ADAMTS6: variants seen among roughly 807,000 people sequenced by gnomAD.
ADAMTS6 encodes ADAM metallopeptidase with thrombospondin type 1 motif 6.
ADAMTS6 carries 23 observed loss-of-function variants against 144.3 expected under a neutral mutation model. That is an observed-to-expected ratio of 0.16 (90% CI 0.11 to 0.23). ADAMTS6 has a LOEUF of 0.23. Ranked by LOEUF, ADAMTS6 falls within the 10% of genes least tolerant of loss-of-function variation. The pLI is 1.00. For missense variants in ADAMTS6, 999 were observed against 1,379.6 expected (o/e 0.72, Z 4.37); for synonymous variants, 444 against 457.5 (o/e 0.97, Z 0.38).
chr5:65,206,787 T>C (rs1002470957), intron 20 of ADAMTS6, among the ~76,000 whole-genome samples: 19 of 143,830 alleles, frequency 1.3e-4, no homozygotes, highest in Non-Finnish European at 2.8e-4. Flanking sequence ...AAGAAAGACA[T>C]AAATATCTTC....
chr5:65,452,747 C>T lies in ADAMTS6; in HGVS notation c.803G>A (p.Arg268His), dbSNP rs1029158103. The stretch of plus-strand genomic sequence containing the variant: ...CAAAATGTAATGTTCAATGTCTTTG[C>T]GGCCATGGTAGCCCACCATCATTTT... ...ADKMMVGYHGRKDIEHYILSV... is the reference protein window; with the variant it reads ...ADKMMVGYHGHKDIEHYILSV... The change falls in exon 5 of 25, where the codon CGC becomes CAC. Residue 268 changes from arginine (R) to histidine (H), a missense_variant. Coordinates refer to ENST00000381055, the MANE Select transcript of ADAMTS6 (RefSeq NM_197941.4). The T allele has an allele frequency of 5.0e-6, 8 of 1,614,040 alleles. No individual in the cohort carries two copies. The highest frequency in any genetic ancestry group is 6.8e-6 in the Non-Finnish European group (8 of 1,179,940).
chr5:65,293,133 T>C (rs1742487484), intron 10 of ADAMTS6, among the ~76,000 whole-genome samples: 1 of 152,062 alleles, frequency 6.6e-6, no homozygotes, highest in Non-Finnish European at 1.5e-5. Flanking sequence ...AATAGTACAA[T>C]GGAAAAAGAA....
chr5:65,380,410 A>G (rs1751946553), intron 7 of ADAMTS6, among the ~76,000 whole-genome samples: 1 of 150,442 alleles, frequency 6.6e-6, no homozygotes, highest in Non-Finnish European at 1.5e-5. Flanking sequence ...CATCTCTACT[A>G]AAAAAAAATA....
intron 14 of ADAMTS6, among the ~76,000 whole-genome samples, chr5:65,249,562 T>G (rs148050468): frequency 6.6e-6 from 1 of 152,172 alleles, no homozygotes; most frequent in African/African-American, 2.4e-5. Context: ...TTAAATAAAC[T>G]AAATAAACTT....
rs780009571 is a variant in ADAMTS6 at position 65,225,010 on chromosome 5, C to T, written c.2105G>A (p.Arg702Lys). The T allele has an allele frequency of 4.3e-6, 7 of 1,613,954 alleles. No homozygotes were observed. The East Asian group carries it at 1.6e-4, about 36-fold the overall frequency. The change falls in exon 17 of 25, where the codon AGG becomes AAG. Residue 702 changes from arginine to lysine, a missense_variant. Arg to Lys is a conservative substitution (Grantham distance 26). Transcript: ENST00000381055. Reference protein sequence around the residue: ...GCDNILGSDAREDRCRVCGGD... With the variant: ...GCDNILGSDAKEDRCRVCGGD... Reference sequence around the variant, plus strand: ...TCCACAGACTCGACATCTATCTTCCCTAGCATCAGATCCCAAAATATTATC... The same window carrying T: ...TCCACAGACTCGACATCTATCTTCCTTAGCATCAGATCCCAAAATATTATC...
Position 65,299,975 on chromosome 5 carries a change from G to A in ADAMTS6, c.1370+10C>T. On this transcript the variant is annotated intron_variant, in intron 10 of 24. Transcript: ENST00000381055. ...GAGCTATTTATCATCACTCTCCAGA[G>A]ATTACTTACTCTAGAAAGCTGGTGA... 1 of 1,612,146 alleles carries A rather than the reference G, an allele frequency of 6.2e-7. No individual in the cohort carries two copies. The highest frequency in any genetic ancestry group is 8.5e-7 in the Non-Finnish European group (1 of 1,179,176).
chr5:65,427,220 T>C (rs1174117862), intron 7 of ADAMTS6, among the ~76,000 whole-genome samples: 1 of 152,096 alleles, frequency 6.6e-6, no homozygotes, highest in Non-Finnish European at 1.5e-5. Context: ...TGAATAAATT[T>C]TCTATTTTTC....
At chr5:65,329,271 C>A in intron 9 of ADAMTS6, 107 bp downstream of exon 9, 1 of 935,014 alleles carries the variant, frequency 1.1e-6, no homozygotes, top group Non-Finnish European at 1.6e-6. Flanking sequence ...TGGAATCAGA[C>A]AAAAAGGTAG....
chr5:65,451,943 C>T (rs570927526), intron 6 of ADAMTS6, among the ~76,000 whole-genome samples, 190 bp downstream of exon 6: 1 of 152,070 alleles, frequency 6.6e-6, no homozygotes, highest in Non-Finnish European at 1.5e-5. Context: ...ATAGCTTTAA[C>T]ATAAAAGGTA....
At chr5:65,202,210 A>G (rs1755784230) in intron 20 of ADAMTS6, among the ~76,000 whole-genome samples, 1 of 152,136 alleles carries the variant, frequency 6.6e-6, no homozygotes, top group Non-Finnish European at 1.5e-5. Context: ...TGTCCTTTTC[A>G]GTGTATTTCC....
At chr5:65,219,959 A>T (rs1002430059) in intron 18 of ADAMTS6, among the ~76,000 whole-genome samples, 1 of 152,234 alleles carries the variant, frequency 6.6e-6, no homozygotes, top group Non-Finnish European at 1.5e-5. Context: ...TTCTTCAACA[A>T]GAAGGCAGCA....
At chr5:65,365,962 G>C (rs1750272385) in intron 7 of ADAMTS6, among the ~76,000 whole-genome samples, 1 of 151,634 alleles carries the variant, frequency 6.6e-6, no homozygotes, top group Admixed American at 6.6e-5. Context: ...AATGCTAAGA[G>C]ATAAGTTTCT....
chr5:65,201,223 C>T (rs777777647), intron 20 of ADAMTS6, among the ~76,000 whole-genome samples: 7 of 152,136 alleles, frequency 4.6e-5, no homozygotes, highest in Non-Finnish European at 8.8e-5. Flanking sequence ...TCAAGTGAGT[C>T]CCAGTCTGAG....
At chr5:65,395,710 T>C (rs939799152) in intron 7 of ADAMTS6, among the ~76,000 whole-genome samples, 2 of 152,346 alleles carry the variant, frequency 1.3e-5, no homozygotes, top group Non-Finnish European at 2.9e-5. Flanking sequence ...CTGTACTTAA[T>C]GGGCTGTTAA....
At chr5:65,439,718 A>T (rs995458909) in intron 7 of ADAMTS6, among the ~76,000 whole-genome samples, 1 of 152,220 alleles carries the variant, frequency 6.6e-6, no homozygotes, top group Non-Finnish European at 1.5e-5. Flanking sequence ...TTTGAGTATG[A>T]ACTGAAGATT....
intron 21 of ADAMTS6, among the ~76,000 whole-genome samples, chr5:65,195,369 T>A (rs967739290): frequency 1.3e-5 from 2 of 152,242 alleles, no homozygotes; most frequent in African/African-American, 2.4e-5. Flanking sequence ...AGATTAGTTA[T>A]ATGGTGATAA....
chr5:65,366,721 A>G (rs1750338416), intron 7 of ADAMTS6, among the ~76,000 whole-genome samples: 1 of 152,246 alleles, frequency 6.6e-6, no homozygotes, highest in Non-Finnish European at 1.5e-5. Context: ...GTATTAAATC[A>G]GTAAAATCTA....
chr5:65,177,494 T>C (rs1031739132), intron 22 of ADAMTS6, among the ~76,000 whole-genome samples: 3 of 152,162 alleles, frequency 2.0e-5, no homozygotes, highest in African/African-American at 7.2e-5. Context: ...ATTAGGACCA[T>C]TTAATCCAGG....
At chr5:65,437,713 G>A (rs1231604132) in intron 7 of ADAMTS6, among the ~76,000 whole-genome samples, 1 of 152,162 alleles carries the variant, frequency 6.6e-6, no homozygotes, top group Non-Finnish European at 1.5e-5. Context: ...TAGTATTTGT[G>A]CATCTTCTTG....
Sources: gnomAD v4.1 joint callset for allele counts (sites outside exome capture counted in the v4.1 genomes callset) on GRCh38, gnomAD v4.1.1 for gene constraint, MANE v1.5 for transcripts, NCBI Gene and HGNC (gene_info 2026-07-23, HGNC 2026-07-21) for gene names.